GPHN: variants seen among roughly 807,000 people sequenced by gnomAD.
The protein encoded by GPHN is gephyrin.
In GPHN, 17 loss-of-function variants were observed where a neutral mutation model predicts 95.5. The ratio of observed to expected loss-of-function variants is 0.18; its 90% confidence interval spans 0.12 to 0.27. The LOEUF (loss-of-function observed/expected upper bound fraction) is 0.27. Among genes scored for constraint, GPHN ranks in the 10% least tolerant of loss-of-function variants. The pLI, the probability that GPHN is intolerant of heterozygous loss-of-function variation, is 1.00. For synonymous variants in GPHN, 320 were observed against 322.5 expected (o/e 0.99, Z 0.08); for missense variants, 660 against 978.1 (o/e 0.67, Z 4.34).
chr14:66,990,493 T>G (rs911536612), intron 9 of GPHN, among the ~76,000 whole-genome samples: 1 of 152,230 alleles, frequency 6.6e-6, no homozygotes, highest in African/African-American at 2.4e-5. Flanking sequence ...CCCTTAGTTA[T>G]GTCAGCATGA....
chr14:67,600,209 C>G, the GPHN span: 1 of 1,563,566 alleles, frequency 6.4e-7, no homozygotes, highest in African/African-American at 1.4e-5. Flanking sequence ...TCCATGACGC[C>G]CCCACTCGGC....
At chr14:67,646,028 C>T in the GPHN span, among the ~76,000 whole-genome samples, 19 of 152,292 alleles carry the variant, frequency 1.2e-4, no homozygotes, top group South Asian at 6.2e-4. Flanking sequence ...GTAACAATAG[C>T]GACTGATATA....
At chr14:67,444,834 A>T in the GPHN span, among the ~76,000 whole-genome samples, 1 of 152,172 alleles carries the variant, frequency 6.6e-6, no homozygotes, top group Non-Finnish European at 1.5e-5. Flanking sequence ...ATCTTGGCTC[A>T]CTGCAACCTC....
At chr14:67,323,753 G>T in the GPHN span, 1 of 1,604,792 alleles carries the variant, frequency 6.2e-7, no homozygotes, top group African/African-American at 1.4e-5. Flanking sequence ...TATCTTCATT[G>T]CACCCCCTTC....
chr14:66,868,832 T>G (rs1018257074), intron 4 of GPHN, among the ~76,000 whole-genome samples: 3 of 152,196 alleles, frequency 2.0e-5, no homozygotes, highest in Non-Finnish European at 2.9e-5. Context: ...GACACTGTTT[T>G]TACAGCTTAG....
At chr14:66,639,041 G>C (rs7342493) in intron 1 of GPHN, among the ~76,000 whole-genome samples, 37,904 of 151,234 alleles carry the variant, frequency 0.25, 9,616 homozygotes, top group African/African-American at 0.62. Context: ...AAAAGGATAG[G>C]TAACATATTC....
chr14:67,137,716 G>A (rs1373538727), intron 17 of GPHN, among the ~76,000 whole-genome samples: 1 of 151,976 alleles, frequency 6.6e-6, no homozygotes, highest in African/African-American at 2.4e-5. Context: ...AGTGAGCTGT[G>A]ATCACACCAC....
chr14:66,760,453 A>C (rs1194333559), intron 2 of GPHN: 1 of 175,302 alleles, frequency 5.7e-6, no homozygotes, highest in Non-Finnish European at 1.2e-5. Flanking sequence ...ATAATCTATA[A>C]GTTTTTAATG....
chr14:67,211,398 A>G, the GPHN span, among the ~76,000 whole-genome samples: 4 of 152,164 alleles, frequency 2.6e-5, no homozygotes, highest in African/African-American at 4.8e-5. Flanking sequence ...TAATCTTTCC[A>G]CTATACTACC....
chr14:66,581,695 A>G (rs1298108089), intron 1 of GPHN, among the ~76,000 whole-genome samples: 1 of 151,994 alleles, frequency 6.6e-6, no homozygotes, highest in African/African-American at 2.4e-5. Flanking sequence ...GTGACAGGAT[A>G]GAAGTAGATA....
At position 66,998,235 on chromosome 14, in the gene GPHN, G is replaced by A. The variant is rs574179108; in HGVS notation, c.964-25398G>A. ...TTGTTTCTTTCATTGTGACACATGG[G>A]CTTTCTTTATTTGTCATGAAGTGTG... On this transcript the variant is annotated intron_variant, in intron 9 of 22. Coordinates refer to ENST00000478722, the MANE Select transcript of GPHN (RefSeq NM_020806.5). 4.6e-5 allele frequency among the ~76,000 whole-genome samples: 7 copies of A among 152,050 alleles called. No individual in the cohort carries two copies. In the South Asian group the frequency reaches 1.5e-3, roughly 32 times the overall value.
intron 2 of GPHN, among the ~76,000 whole-genome samples, chr14:66,767,705 C>T (rs2059016314): frequency 6.6e-6 from 1 of 151,906 alleles, no homozygotes; most frequent in Non-Finnish European, 1.5e-5. Context: ...TGTGAGCCAG[C>T]TACAAAGATA....
chr14:66,604,724 G>A (rs891008638), intron 1 of GPHN, among the ~76,000 whole-genome samples: 7 of 151,802 alleles, frequency 4.6e-5, no homozygotes, highest in African/African-American at 7.3e-5. Flanking sequence ...TTTTAGGTTC[G>A]GGGGTACATG....
the GPHN span, among the ~76,000 whole-genome samples, chr14:67,223,239 A>T: frequency 5.3e-4 from 80 of 152,136 alleles, no homozygotes; most frequent in Non-Finnish European, 9.4e-4. Context: ...ACCTCAAGTG[A>T]TCCCCCTGCC....
At chr14:67,212,590 A>G in the GPHN span, among the ~76,000 whole-genome samples, 1 of 95,424 alleles carries the variant, frequency 1.0e-5, no homozygotes, top group African/African-American at 5.4e-5. Context: ...GACCCTGTTG[A>G]AAAAAAAAAT....
intron 1 of GPHN, among the ~76,000 whole-genome samples, chr14:66,592,395 A>G (rs759408784): frequency 4.0e-5 from 6 of 151,840 alleles, no homozygotes; most frequent in Non-Finnish European, 8.8e-5. Context: ...AATTTTTGCA[A>G]TCCATCCATC....
chr14:67,720,497 T>C, the GPHN span, among the ~76,000 whole-genome samples: 1 of 152,236 alleles, frequency 6.6e-6, no homozygotes, highest in Non-Finnish European at 1.5e-5. Context: ...CTTTGAGGTA[T>C]TCGAATTTTG....
At chr14:67,013,331 A>C (rs778418089) in intron 9 of GPHN, among the ~76,000 whole-genome samples, 3 of 152,124 alleles carry the variant, frequency 2.0e-5, no homozygotes, top group Non-Finnish European at 1.5e-5. Flanking sequence ...CTCTAGCTTT[A>C]ACCGATCTAA....
intron 5 of GPHN, among the ~76,000 whole-genome samples, chr14:66,907,518 A>C (rs923720560): frequency 6.6e-6 from 1 of 152,182 alleles, no homozygotes; most frequent in African/African-American, 2.4e-5. Context: ...GACATTATAC[A>C]TTTGTCAAAA....
Sources: allele counts gnomAD v4.1 joint callset (sites outside exome capture counted in the v4.1 genomes callset), GRCh38; gene constraint gnomAD v4.1.1; transcripts MANE v1.5; gene names NCBI Gene and HGNC (gene_info 2026-07-23, HGNC 2026-07-21).